ARFGEF3: variants seen among roughly 807,000 people sequenced by gnomAD.
The protein encoded by ARFGEF3 is brefeldin A-inhibited guanine nucleotide-exchange protein 3.
In ARFGEF3, 96 loss-of-function variants were observed where a neutral mutation model predicts 221.7. The observed-to-expected ratio is 0.43, with a 90% CI of 0.37 to 0.51. The LOEUF (loss-of-function observed/expected upper bound fraction) is 0.51. Ranked by LOEUF, ARFGEF3 falls within the 20% of genes least tolerant of loss-of-function variation. The pLI, the probability that ARFGEF3 is intolerant of heterozygous loss-of-function variation, is 0.00. For missense variants in ARFGEF3, 2,410 were observed against 2,789.9 expected, an observed-to-expected ratio of 0.86 and a Z score of 3.07; for synonymous variants, 1,145 against 1,126.8, an observed-to-expected ratio of 1.02 and a Z score of -0.32.
At chr6:138,284,194 A>G (rs1455392644) in intron 14 of ARFGEF3, among the ~76,000 whole-genome samples, 3 of 152,168 alleles carry the variant, frequency 2.0e-5, no homozygotes, top group African/African-American at 7.2e-5. Flanking sequence ...AATCCCAGCT[A>G]TCCAGGAGGC....
intron 8 of ARFGEF3, among the ~76,000 whole-genome samples, chr6:138,245,920 T>G (rs1778478306): frequency 1.3e-5 from 2 of 152,170 alleles, no homozygotes; most frequent in African/African-American, 4.8e-5. Context: ...CAGTCCTGTC[T>G]CAGCCAGATC....
At chr6:138,278,391 A>C in intron 12 of ARFGEF3, 60 bp from the exon 13 acceptor site, 1 of 1,530,426 alleles carries the variant, frequency 6.5e-7, no homozygotes, top group Non-Finnish European at 9.0e-7. Flanking sequence ...GCTCTCTGGA[A>C]GCCAGCCTTG....
intron 12 of ARFGEF3, among the ~76,000 whole-genome samples, chr6:138,276,561 ACT>A (rs904584987): frequency 1.3e-5 from 2 of 151,706 alleles, no homozygotes; most frequent in African/African-American, 4.8e-5. Flanking sequence ...TTTTTTTGAA[ACT>A]CTTTATTTCC....
chr6:138,328,285 C>A, intron 32 of ARFGEF3, 143 bp downstream of exon 32: 1 of 1,081,446 alleles, frequency 9.2e-7, no homozygotes, highest in Non-Finnish European at 1.3e-6. Flanking sequence ...TTCATAAAAA[C>A]TGTTAGCCTT....
At chr6:138,209,697 C>T (rs1476924560) in intron 3 of ARFGEF3, among the ~76,000 whole-genome samples, 1 of 152,154 alleles carries the variant, frequency 6.6e-6, no homozygotes, top group East Asian at 1.9e-4. Flanking sequence ...ACCCGCCCAC[C>T]TCAGCCTCCC....
At chr6:138,286,436 C>G (rs1439231992) in intron 15 of ARFGEF3, among the ~76,000 whole-genome samples, 1 of 136,102 alleles carries the variant, frequency 7.3e-6, no homozygotes, top group East Asian at 2.1e-4. Flanking sequence ...GGTGACAGAA[C>G]GAGACTCCGT....
intron 32 of ARFGEF3, among the ~76,000 whole-genome samples, chr6:138,329,081 C>G (rs1280560230): frequency 6.6e-6 from 1 of 152,166 alleles, no homozygotes; most frequent in Non-Finnish European, 1.5e-5. Flanking sequence ...ACAATGATGG[C>G]TATTGGGAGA....
chr6:138,273,017 A>G (rs1329796113), intron 12 of ARFGEF3, among the ~76,000 whole-genome samples: 1 of 152,260 alleles, frequency 6.6e-6, no homozygotes, highest in Non-Finnish European at 1.5e-5. Context: ...ATGCAGTGGT[A>G]TATGCACAGT....
chr6:138,255,449 C>G lies in ARFGEF3; in HGVS notation c.784C>G (p.Pro262Ala). ...ATCTCTTCCCAGGAAAAACCTCTGC[C>G]CTGCTCTCATCGTGATCTTGGGGAA... ...FTDLIWKNLC[P>A]ALIVILGNPI... Residue 262 changes from proline (P) to alanine (A), a missense_variant, in exon 10 of 34, where the codon CCT (proline) becomes GCT (alanine). Coordinates refer to ENST00000251691, the MANE Select transcript of ARFGEF3 (RefSeq NM_020340.5). 1 of 1,604,062 alleles carries G rather than the reference C, an allele frequency of 6.2e-7. No individual in the cohort carries two copies. Among genetic ancestry groups the G allele is most frequent in the Non-Finnish European group, 8.5e-7 (1 of 1,171,834 alleles).
rs1161087852 is a variant in ARFGEF3, at chr6:138,278,408, A to G, written c.2129-43A>G. 9 of 1,593,234 alleles carry G rather than the reference A, an allele frequency of 5.6e-6. No homozygotes were observed. The East Asian group carries it at 1.8e-4, about 32-fold the overall frequency. On this transcript the variant is annotated intron_variant, in intron 12 of 33. Coordinates refer to ENST00000251691, the MANE Select transcript of ARFGEF3 (RefSeq NM_020340.5). ...TCTCTGGAAGCCAGCCTTGCCAAGCACACTGTTCACACCCCCAAAAGTCCC... is the reference window on the plus strand; with the variant it reads ...TCTCTGGAAGCCAGCCTTGCCAAGCGCACTGTTCACACCCCCAAAAGTCCC...
At chr6:138,218,312 T>C in intron 4 of ARFGEF3, 3 of 1,572,150 alleles carry the variant, frequency 1.9e-6, no homozygotes, top group Non-Finnish European at 2.6e-6. Flanking sequence ...AGTTACTTAA[T>C]CTGTGCCTCA....
At chr6:138,245,128 C>T (rs1405022461) in intron 7 of ARFGEF3, among the ~76,000 whole-genome samples, 1 of 152,080 alleles carries the variant, frequency 6.6e-6, no homozygotes, top group Admixed American at 6.6e-5. Context: ...ATAGTGAAAC[C>T]TGTCTCGACT....
At chr6:138,273,171 T>A (rs575945513) in intron 12 of ARFGEF3, among the ~76,000 whole-genome samples, 2 of 152,366 alleles carry the variant, frequency 1.3e-5, no homozygotes, top group South Asian at 4.1e-4. Context: ...GAAGTGAGTC[T>A]TGCTGTTAGA....
At chr6:138,247,156 G>C (rs1336407986) in intron 8 of ARFGEF3, among the ~76,000 whole-genome samples, 1 of 152,152 alleles carries the variant, frequency 6.6e-6, no homozygotes, top group Non-Finnish European at 1.5e-5. Context: ...CCCTTGCTCA[G>C]GAGGGCTGAG....
In ARFGEF3 at chr6:138,210,082, G is replaced by C. The variant is rs747743897; in HGVS notation, c.351+41G>C. ...CCAAGAGTGTGCGTCACTGGGACAG[G>C]AACACATCCTGATCCCCTGCACTTG... On this transcript the variant is annotated intron_variant, in intron 4 of 33. Coordinates refer to ENST00000251691, the MANE Select transcript of ARFGEF3 (RefSeq NM_020340.5). 3.1e-6 allele frequency: 5 copies of C among 1,601,198 alleles called. No individual in the cohort carries two copies. The Admixed American group carries it at 6.7e-5, about 22-fold the overall frequency.
intron 2 of ARFGEF3, among the ~76,000 whole-genome samples, chr6:138,173,390 G>C (rs1407195972): frequency 3.3e-5 from 5 of 152,130 alleles, no homozygotes; most frequent in Non-Finnish European, 7.3e-5. Flanking sequence ...TGCTCTAAAG[G>C]TTGTTTCCTC....
chr6:138,238,709 A>G, intron 6 of ARFGEF3, 78 bp downstream of exon 6: 2 of 1,434,418 alleles, frequency 1.4e-6, no homozygotes, highest in Non-Finnish European at 1.9e-6. Context: ...CCCCACTGCC[A>G]GGGCTGCCTG....
chr6:138,246,225 A>C (rs997073930), intron 8 of ARFGEF3, among the ~76,000 whole-genome samples: 3 of 151,864 alleles, frequency 2.0e-5, no homozygotes, highest in Admixed American at 2.0e-4. Flanking sequence ...AAAACACCAG[A>C]CTTTCAACAT....
chr6:138,211,344 T>A (rs1330175183), intron 4 of ARFGEF3, among the ~76,000 whole-genome samples: 3 of 152,234 alleles, frequency 2.0e-5, no homozygotes, highest in Admixed American at 6.5e-5. Context: ...ATGCCTGAGC[T>A]AGCTGATCTT....
Sources: gnomAD v4.1 joint callset for allele counts (sites outside exome capture counted in the v4.1 genomes callset) on GRCh38, gnomAD v4.1.1 for gene constraint, MANE v1.5 for transcripts, NCBI Gene and HGNC (gene_info 2026-07-23, HGNC 2026-07-21) for gene names.